The following TYW1B variants were observed in gnomAD, a reference collection of about 807,000 sequenced individuals.
TYW1B encodes the protein S-adenosyl-L-methionine-dependent tRNA 4-demethylwyosine synthase TYW1B.
Under a neutral mutation model 86.9 loss-of-function variants are expected in TYW1B, and 73 were observed. The observed-to-expected ratio is 0.84, with a 90% CI of 0.70 to 1.02. The LOEUF is 1.02. TYW1B is among the 50% of genes least tolerant of loss of function. The pLI is 0.00. For synonymous variants in TYW1B, 248 were observed against 292.8 expected (o/e 0.85, Z 1.56); for missense variants, 637 against 827.4 (o/e 0.77, Z 2.82).
chr7:72,597,387 T>C (rs1274806163), intron 13 of TYW1B, among the ~76,000 whole-genome samples: 2 of 152,170 alleles, frequency 1.3e-5, no homozygotes, highest in Non-Finnish European at 2.9e-5. Flanking sequence ...AGTAAAATAT[T>C]ATGAGCAACG....
chr7:72,786,105 T>TA (rs140958157), intron 6 of TYW1B, among the ~76,000 whole-genome samples: 3 of 149,846 alleles, frequency 2.0e-5, no homozygotes, highest in Non-Finnish European at 3.0e-5. Flanking sequence ...CAAGACTGTC[T>TA]AAAAAAAAAA....
chr7:72,738,599 TAAC>T (rs1423954164), intron 8 of TYW1B, among the ~76,000 whole-genome samples: 8 of 152,274 alleles, frequency 5.3e-5, no homozygotes, highest in South Asian at 2.1e-4. Context: ...TCCTTGGTTC[TAAC>T]AATAAAAAAT....
intron 11 of TYW1B, among the ~76,000 whole-genome samples, chr7:72,662,426 T>TAGATAGATAG (rs1167831524): frequency 2.5e-5 from 3 of 118,652 alleles, no homozygotes; most frequent in Non-Finnish European, 3.8e-5. Context: ...AATATATATA[T>TAGATAGATAG]ATAGATAGAT....
At chr7:72,789,290 C>T (rs1448362856) in intron 6 of TYW1B, among the ~76,000 whole-genome samples, 2 of 152,070 alleles carry the variant, frequency 1.3e-5, no homozygotes, top group African/African-American at 2.4e-5. Context: ...TGTGCCACCA[C>T]GCCAGGCTAA....
intron 10 of TYW1B, among the ~76,000 whole-genome samples, chr7:72,701,773 GTTAGC>G (rs1563064311): frequency 6.6e-6 from 1 of 152,098 alleles, no homozygotes; most frequent in East Asian, 1.9e-4. Context: ...TCTCTGTTTG[GTTAGC>G]TTAGTGGTCA....
intron 3 of TYW1B, among the ~76,000 whole-genome samples, chr7:72,813,874 G>A (rs1554478856): frequency 2.0e-5 from 3 of 151,952 alleles, no homozygotes; most frequent in Non-Finnish European, 2.9e-5. Context: ...AATTAGCCAG[G>A]TGTGGTGGTG....
rs1236384809 is a variant in TYW1B at position 72,600,775 on chromosome 7, T to A, written c.1785+15897A>T. Among the ~76,000 whole-genome samples, 4 of 151,724 alleles carry A rather than the reference T, an allele frequency of 2.6e-5. 1 individual carries two copies. The highest frequency in any genetic ancestry group is 5.9e-5 in the Non-Finnish European group (4 of 67,944). ...TACTTAGGAGACTGAGGTGGGAGGA[T>A]CCCCTGAGCCCAGGAATTAGAGGCT... On this transcript the variant is annotated intron_variant, in intron 13 of 13. Coordinates refer to ENST00000620995, the MANE Select transcript of TYW1B (RefSeq NM_001145440.3).
chr7:72,746,565 T>A (rs1309851415), intron 7 of TYW1B, among the ~76,000 whole-genome samples: 1 of 152,196 alleles, frequency 6.6e-6, no homozygotes, highest in Admixed American at 6.6e-5. Context: ...TAAACCTCAA[T>A]GCAATGCAAT....
chr7:72,688,924 T>A (rs1206411018), intron 11 of TYW1B, among the ~76,000 whole-genome samples: 1 of 152,194 alleles, frequency 6.6e-6, no homozygotes, highest in African/African-American at 2.4e-5. Flanking sequence ...TTTGCACAAA[T>A]CAAGCACAGC....
At chr7:72,648,698 C>T (rs1460256727) in intron 11 of TYW1B, among the ~76,000 whole-genome samples, 1 of 152,096 alleles carries the variant, frequency 6.6e-6, no homozygotes, top group Non-Finnish European at 1.5e-5. Context: ...GTCATGTACT[C>T]TACAGGTTAC....
chr7:72,678,181 T>C (rs1813778277), intron 11 of TYW1B, among the ~76,000 whole-genome samples: 1 of 152,124 alleles, frequency 6.6e-6, no homozygotes, highest in Non-Finnish European at 1.5e-5. Context: ...TAAGAAAATG[T>C]CTCTGCTTTC....
chr7:72,689,824 C>T, intron 11 of TYW1B, among the ~76,000 whole-genome samples: 1 of 152,178 alleles, frequency 6.6e-6, no homozygotes, highest in East Asian at 1.9e-4. Flanking sequence ...CTCTTTACTT[C>T]CCCCAAATTT....
intron 12 of TYW1B, among the ~76,000 whole-genome samples, chr7:72,617,402 C>T (rs1554437126): frequency 6.6e-6 from 1 of 152,170 alleles, no homozygotes; most frequent in African/African-American, 2.4e-5. Context: ...GAGTCTTGCT[C>T]TGTCACCTAA....
intron 11 of TYW1B, among the ~76,000 whole-genome samples, chr7:72,660,843 G>A (rs1490720135): frequency 6.6e-6 from 1 of 151,874 alleles, no homozygotes; most frequent in African/African-American, 2.4e-5. Context: ...TTAGAATTAG[G>A]TTCTAATGGT....
chr7:72,638,221 TCAAA>T (rs1370120275), intron 11 of TYW1B, among the ~76,000 whole-genome samples: 74 of 151,668 alleles, frequency 4.9e-4, no homozygotes, highest in African/African-American at 1.6e-3. Context: ...ATCTTGGTTA[TCAAA>T]CAAAAGACCA....
chr7:72,733,274 G>A (rs1241350594), intron 8 of TYW1B, among the ~76,000 whole-genome samples: 8 of 151,920 alleles, frequency 5.3e-5, no homozygotes, highest in East Asian at 1.9e-4. Flanking sequence ...AGTATTATAC[G>A]AGGCCAGTAT....
At chr7:72,735,274 A>AT (rs1787178302) in intron 8 of TYW1B, among the ~76,000 whole-genome samples, 1 of 152,176 alleles carries the variant, frequency 6.6e-6, no homozygotes, top group Non-Finnish European at 1.5e-5. Context: ...ATTTAGCCCT[A>AT]TAAAAAAGAA....
At chr7:72,730,458 C>G (rs1435582865) in intron 8 of TYW1B, among the ~76,000 whole-genome samples, 1 of 140,870 alleles carries the variant, frequency 7.1e-6, no homozygotes, top group Admixed American at 7.5e-5. Flanking sequence ...AGAGTTTCAA[C>G]AACATACTAG....
intron 11 of TYW1B, among the ~76,000 whole-genome samples, chr7:72,632,441 TATATATAAAATATATATATAC>T (rs1401778524): frequency 0.085 from 9,291 of 109,802 alleles, 688 homozygotes; most frequent in African/African-American, 0.17. Context: ...TATATACGTA[TATATATAAAATATATATATAC>T]ATATATATAT....
Sources: allele counts gnomAD v4.1 joint callset (sites outside exome capture counted in the v4.1 genomes callset), GRCh38; gene constraint gnomAD v4.1.1; transcripts MANE v1.5; gene names NCBI Gene and HGNC (gene_info 2026-07-23, HGNC 2026-07-21).